Variants in EML1 observed in about 807,000 individuals in gnomAD.
EML1 encodes echinoderm microtubule-associated protein-like 1.
A neutral mutation model predicts 110.4 loss-of-function variants in EML1; 27 were observed. That is an observed-to-expected ratio of 0.24 (90% CI 0.18 to 0.34). EML1 has a LOEUF of 0.34. Ranked by LOEUF, EML1 falls within the 10% of genes least tolerant of loss-of-function variation. The pLI is 1.00. For missense variants in EML1, 741 were observed against 1,030.9 expected, an observed-to-expected ratio of 0.72 and a Z score of 3.85; for synonymous variants, 344 against 385.8, an observed-to-expected ratio of 0.89 and a Z score of 1.27.
intron 17 of EML1, among the ~76,000 whole-genome samples, chr14:99,924,488 A>G (rs1566940792): frequency 1.3e-5 from 2 of 152,232 alleles, no homozygotes; most frequent in African/African-American, 2.4e-5. Context: ...ATTAATGACA[A>G]TAATAATAAA....
chr14:99,866,138 A>AT (rs1595400231), intron 3 of EML1, among the ~76,000 whole-genome samples: 1 of 152,346 alleles, frequency 6.6e-6, no homozygotes, highest in East Asian at 1.9e-4. Flanking sequence ...TGTAATTATC[A>AT]TTTAAAGATT....
At chr14:99,848,206 G>T (rs1018319952) in intron 1 of EML1, among the ~76,000 whole-genome samples, 3 of 151,910 alleles carry the variant, frequency 2.0e-5, no homozygotes. Flanking sequence ...ATTTATGAGG[G>T]ATCACAATAT....
chr14:99,816,103 G>C (rs989742135), intron 1 of EML1, among the ~76,000 whole-genome samples: 2 of 152,210 alleles, frequency 1.3e-5, no homozygotes, highest in Admixed American at 6.5e-5. Context: ...GAAACTCAAG[G>C]CATGGCCTGG....
At chr14:99,911,708 A>T in intron 13 of EML1, 132 bp downstream of exon 13, 1 of 1,011,614 alleles carries the variant, frequency 9.9e-7, no homozygotes, top group Non-Finnish European at 1.4e-6. Flanking sequence ...GGAGCAATGT[A>T]TTTTATTAAA....
At chr14:99,859,542 A>T (rs1419542194) in intron 2 of EML1, among the ~76,000 whole-genome samples, 4 of 152,168 alleles carry the variant, frequency 2.6e-5, no homozygotes, top group African/African-American at 4.8e-5. Flanking sequence ...GGGTAAGGAA[A>T]ATTGGACCCA....
chr14:99,784,558 T>A lies in EML1; in HGVS notation c.-27+10545T>A, dbSNP rs2057578708. 6.6e-6 allele frequency among the ~76,000 whole-genome samples: 1 copy of A among 152,272 alleles called. No homozygotes were observed. The highest frequency in any genetic ancestry group is 1.9e-4 in the East Asian group (1 of 5,206). On this transcript the variant is annotated intron_variant, in intron 1 of 22. Coordinates refer to the EML1 transcript ENST00000327921. This position sits in a 1 kb window ranked among gnomAD's most constrained non-coding sequence, Gnocchi z 4.5. ...AGATAATAGAGTTGTCATATCCATT[T>A]GGACTATCAACAGATTATCTGTGGA...
upstream of EML1, among the ~76,000 whole-genome samples, chr14:99,788,838 T>C (rs1012724543): frequency 6.6e-6 from 1 of 152,184 alleles, no homozygotes; most frequent in African/African-American, 2.4e-5. Context: ...TCCCCAGCCC[T>C]TGGCAACCAC....
intron 17 of EML1, among the ~76,000 whole-genome samples, chr14:99,925,850 A>G (rs1360438916): frequency 6.6e-6 from 1 of 152,138 alleles, no homozygotes; most frequent in Non-Finnish European, 1.5e-5. Context: ...TCACCCATCC[A>G]ATAACCGTAA....
Position 99,941,512 on chromosome 14 carries a change from A to G in EML1, c.*1400A>G, listed in dbSNP as rs2060588347. 6.6e-6 allele frequency: 1 copy of G among 152,258 alleles called. No individual in the cohort carries two copies. The highest frequency in any genetic ancestry group is 2.1e-4 in the South Asian group (1 of 4,832). 9.4% of individuals were successfully genotyped at this position (152,258 alleles called of 1,614,324 possible). A position where few individuals can be genotyped will look rare whatever the true frequency, so the allele number is the denominator to read the frequency against. ...TATGTATCCTTGTCAAATATATTCT[A>G]TAATGAAATAAAATCTGAAAAGTGG... On this transcript the variant is annotated 3_prime_UTR_variant, in exon 22 of 22. Transcript: ENST00000262233.
intron 17 of EML1, among the ~76,000 whole-genome samples, chr14:99,928,221 G>A (rs549881243): frequency 4.2e-5 from 5 of 118,212 alleles, no homozygotes; most frequent in Admixed American, 1.7e-4. Flanking sequence ...GGTGATGGTG[G>A]TGGTGGTGGT....
At chr14:99,853,550 T>G (rs1453747858) in intron 2 of EML1, among the ~76,000 whole-genome samples, 1 of 152,202 alleles carries the variant, frequency 6.6e-6, no homozygotes, top group Non-Finnish European at 1.5e-5. Context: ...GTGGGGAGTC[T>G]TTTAGGCAAG....
upstream of EML1, among the ~76,000 whole-genome samples, chr14:99,769,481 G>T (rs149515345): frequency 6.6e-6 from 1 of 152,176 alleles, no homozygotes; most frequent in African/African-American, 2.4e-5. Context: ...GGGCAGGGAC[G>T]CAAGCTCCTC....
intron 11 of EML1, among the ~76,000 whole-genome samples, 164 bp downstream of exon 11, chr14:99,909,643 A>T (rs543323814): frequency 2.0e-5 from 3 of 152,286 alleles, no homozygotes; most frequent in African/African-American, 7.2e-5. Flanking sequence ...AAGTGAAGAA[A>T]AGGACAGAGC....
intron 4 of EML1, among the ~76,000 whole-genome samples, chr14:99,881,607 C>CTT (rs11452810): frequency 0.036 from 5,190 of 144,128 alleles, 333 homozygotes; most frequent in African/African-American, 0.12. Context: ...TTTCTTTTTC[C>CTT]TTTTTTTTTT....
intron 1 of EML1, chr14:99,838,904 A>AAT (rs1386783017): frequency 2.8e-4 from 14 of 49,932 alleles, no homozygotes; most frequent in South Asian, 1.2e-3. Context: ...AAGGTTGGGG[A>AAT]GTGCGCGCGC....
chr14:99,807,321 T>C (rs1327694516), intron 1 of EML1, among the ~76,000 whole-genome samples: 2 of 152,226 alleles, frequency 1.3e-5, no homozygotes, highest in Non-Finnish European at 2.9e-5. Flanking sequence ...ACTTGGATAA[T>C]TACTTATTCT....
chr14:99,791,435 T>C (rs185359072), upstream of EML1, among the ~76,000 whole-genome samples: 17 of 152,332 alleles, frequency 1.1e-4, no homozygotes, highest in East Asian at 1.5e-3. Context: ...CTCTCTCCTT[T>C]GTCAAGGCTG....
chr14:99,939,846 C>A lies in EML1; in HGVS notation c.2323-141C>A. 9.2e-7 allele frequency: 1 copy of A among 1,084,252 alleles called. No homozygotes were observed. Among genetic ancestry groups the A allele is most frequent in the Non-Finnish European group, 1.3e-6 (1 of 783,464 alleles). 67.2% of individuals were successfully genotyped at this position (1,084,252 alleles called of 1,614,324 possible). A position where few individuals can be genotyped will look rare whatever the true frequency, so the allele number is the denominator to read the frequency against. On this transcript the variant is annotated intron_variant, in intron 21 of 21. Transcript: ENST00000262233. The surrounding 1 kb of genome is among the most constrained non-coding windows in gnomAD (Gnocchi z 4.2). Reference sequence around the variant, plus strand: ...TTCTGTGTCCCTTCTGTGTCACACACAGAGCAGGTTCCCAAGTGAGAGCTG... The same window carrying A: ...TTCTGTGTCCCTTCTGTGTCACACAAAGAGCAGGTTCCCAAGTGAGAGCTG...
intron 1 of EML1, among the ~76,000 whole-genome samples, chr14:99,803,674 C>T (rs975077433): frequency 6.6e-6 from 1 of 152,212 alleles, no homozygotes; most frequent in African/African-American, 2.4e-5. Flanking sequence ...AAATTATTTT[C>T]AGCCAAAGTA....
Sources: allele counts gnomAD v4.1 joint callset (sites outside exome capture counted in the v4.1 genomes callset), GRCh38; gene constraint gnomAD v4.1.1; non-coding constraint Gnocchi (gnomAD v3.1); transcripts MANE v1.5; gene names NCBI Gene and HGNC (gene_info 2026-07-23, HGNC 2026-07-21).